Variants in FHIT observed in about 807,000 individuals in gnomAD.
The protein encoded by FHIT is fragile histidine triad diadenosine triphosphatase, also known as bis(5'-adenosyl)-triphosphatase.
A neutral mutation model predicts 17.9 loss-of-function variants in FHIT; 19 were observed. That is an observed-to-expected ratio of 1.06 (90% CI 0.74 to 1.56). The LOEUF (loss-of-function observed/expected upper bound fraction) is 1.56. FHIT is among the 40% of genes most tolerant of loss of function. FHIT has a pLI of 0.00. For missense variants in FHIT, 248 were observed against 189.2 expected, an observed-to-expected ratio of 1.31 and a Z score of -1.82; for synonymous variants, 81 against 69.7, an observed-to-expected ratio of 1.16 and a Z score of -0.81.
At chr3:60,609,328 T>C (rs1343087639) in intron 4 of FHIT, among the ~76,000 whole-genome samples, 3 of 130,808 alleles carry the variant, frequency 2.3e-5, no homozygotes, top group Non-Finnish European at 3.2e-5. Context: ...CTTCCTTTTT[T>C]ATTTATTTTT....
chr3:60,228,184 T>C (rs1704307401), intron 5 of FHIT, among the ~76,000 whole-genome samples: 1 of 152,132 alleles, frequency 6.6e-6, no homozygotes, highest in Non-Finnish European at 1.5e-5. Context: ...GGAAGGAGTA[T>C]AAAGTAAGGC....
chr3:59,814,991 A>G (rs979058996), intron 8 of FHIT, among the ~76,000 whole-genome samples: 1 of 152,218 alleles, frequency 6.6e-6, no homozygotes, highest in Non-Finnish European at 1.5e-5. Flanking sequence ...TATTCATAGA[A>G]ATGGGTGATA....
intron 3 of FHIT, among the ~76,000 whole-genome samples, chr3:60,957,204 A>ACAG (rs34957475): frequency 0.34 from 50,507 of 149,148 alleles, 8,939 homozygotes; most frequent in Middle Eastern, 0.48. Context: ...CCAGAAAAAC[A>ACAG]CAGCACCATC....
chr3:61,042,100 C>G lies in FHIT; in HGVS notation c.-163-1G>C, dbSNP rs2033546654. 2 of 152,050 alleles carry G rather than the reference C, an allele frequency of 1.3e-5. No homozygotes were observed. Among genetic ancestry groups the G allele is most frequent in the Admixed American group, 6.5e-5 (1 of 15,280 alleles). The allele number at this position is 152,050 out of a possible 1,614,324, so 9.4% of individuals were successfully genotyped here. On this transcript the variant is annotated splice_acceptor_variant, in intron 2 of 9. Coordinates refer to ENST00000492590, the MANE Select transcript of FHIT (RefSeq NM_002012.4). LOFTEE classifies it low-confidence loss of function (5UTR_SPLICE). ...TCTGGATGTAGATAGCACTACGGAC[C>G]TAGGGAAAGGCAGAAACACAAGATG...
intron 5 of FHIT, among the ~76,000 whole-genome samples, chr3:60,314,341 C>T (rs1219421734): frequency 1.3e-5 from 2 of 152,052 alleles, no homozygotes; most frequent in East Asian, 3.9e-4. Context: ...TATCAGAAGC[C>T]TTATCTGGCT....
At chr3:60,565,733 T>G (rs2037111741) in intron 4 of FHIT, among the ~76,000 whole-genome samples, 1 of 152,222 alleles carries the variant, frequency 6.6e-6, no homozygotes, top group South Asian at 2.1e-4. Context: ...ACTGATTTTT[T>G]GAAGGGTTTT....
At chr3:60,641,988 T>C (rs1158517794) in intron 4 of FHIT, among the ~76,000 whole-genome samples, 2 of 151,596 alleles carry the variant, frequency 1.3e-5, no homozygotes, top group Admixed American at 1.3e-4. Flanking sequence ...GGTGGGTGGG[T>C]TAGGGGTAGG....
chr3:61,206,364 G>C lies in FHIT; in HGVS notation c.-212-5699C>G, dbSNP rs972633371. On this transcript the variant is annotated intron_variant, in intron 1 of 9. Coordinates refer to ENST00000492590, the MANE Select transcript of FHIT (RefSeq NM_002012.4). ...TTCCAATTCTGTGAAGAAAGTCATTGGTAGCTTCATGGGGATGGCATTGAA... is the reference window on the plus strand; with the variant it reads ...TTCCAATTCTGTGAAGAAAGTCATTCGTAGCTTCATGGGGATGGCATTGAA... 2.2e-4 allele frequency among the ~76,000 whole-genome samples: 31 copies of C among 140,864 alleles called. 2 individuals are homozygous for C. Among genetic ancestry groups the C allele is most frequent in the African/African-American group, 7.6e-4 (29 of 37,942 alleles). The allele number at this position is 140,864 out of a possible 152,430, so 92.4% of individuals were successfully genotyped here. A position where few individuals can be genotyped will look rare whatever the true frequency, so the allele number is the denominator to read the frequency against.
chr3:59,940,827 T>C (rs1318155040), intron 7 of FHIT, among the ~76,000 whole-genome samples: 2 of 152,168 alleles, frequency 1.3e-5, no homozygotes, highest in Non-Finnish European at 2.9e-5. Flanking sequence ...CATTAGAAAA[T>C]GCCTTATAAA....
intron 8 of FHIT, among the ~76,000 whole-genome samples, chr3:59,889,683 CT>C (rs1287685088): frequency 6.6e-6 from 1 of 152,284 alleles, no homozygotes; most frequent in East Asian, 1.9e-4. Context: ...GACATAATTG[CT>C]AATAAATGGT....
chr3:60,831,175 T>C (rs946850355), intron 3 of FHIT, among the ~76,000 whole-genome samples: 1 of 152,162 alleles, frequency 6.6e-6, no homozygotes, highest in Non-Finnish European at 1.5e-5. Context: ...GAACATAAGA[T>C]TGTGATTATA....
intron 5 of FHIT, among the ~76,000 whole-genome samples, chr3:60,275,367 T>C (rs1707078856): frequency 6.6e-6 from 1 of 152,210 alleles, no homozygotes; most frequent in Non-Finnish European, 1.5e-5. Context: ...ATTCCAATCA[T>C]TTCTCTGACT....
intron 8 of FHIT, among the ~76,000 whole-genome samples, chr3:59,814,045 T>TACAAACACACACAC (rs1553685377): frequency 6.8e-6 from 1 of 146,772 alleles, no homozygotes; most frequent in African/African-American, 2.5e-5. Flanking sequence ...AATTTACACA[T>TACAAACACACACAC]ACACACACAC....
At chr3:61,244,952 A>T (rs11130836) in intron 1 of FHIT, among the ~76,000 whole-genome samples, 64,187 of 151,956 alleles carry the variant, frequency 0.42, 16,473 homozygotes, top group East Asian at 0.78. Context: ...CTTTTGTTAC[A>T]GGGGAGTCAA....
At chr3:60,392,561 G>A (rs1006623451) in intron 5 of FHIT, among the ~76,000 whole-genome samples, 2 of 152,152 alleles carry the variant, frequency 1.3e-5, no homozygotes, top group Admixed American at 6.5e-5. Context: ...GCACCATTCT[G>A]ACTGAAAAAC....
At chr3:60,672,596 C>T (rs1420269837) in intron 4 of FHIT, among the ~76,000 whole-genome samples, 4 of 152,084 alleles carry the variant, frequency 2.6e-5, no homozygotes, top group Non-Finnish European at 5.9e-5. Flanking sequence ...GCCATCTGGG[C>T]GTATACGTGC....
At chr3:60,607,633 G>A (rs1046675492) in intron 4 of FHIT, among the ~76,000 whole-genome samples, 2 of 151,942 alleles carry the variant, frequency 1.3e-5, no homozygotes, top group Non-Finnish European at 2.9e-5. Context: ...CGTGATAGAT[G>A]TGTCTTCAAC....
intron 5 of FHIT, among the ~76,000 whole-genome samples, chr3:60,319,021 C>A (rs963535162): frequency 2.0e-5 from 3 of 152,120 alleles, no homozygotes; most frequent in African/African-American, 7.2e-5. Context: ...TGACCTTCCT[C>A]CTGCCTTCCT....
At chr3:60,577,028 T>G (rs1559553495) in intron 4 of FHIT, among the ~76,000 whole-genome samples, 1 of 151,704 alleles carries the variant, frequency 6.6e-6, no homozygotes, top group Non-Finnish European at 1.5e-5. Context: ...TTGTCGATCA[T>G]CACCTTAAAA....
Sources: gnomAD v4.1 joint callset for allele counts (sites outside exome capture counted in the v4.1 genomes callset) on GRCh38, gnomAD v4.1.1 for gene constraint, MANE v1.5 for transcripts, NCBI Gene and HGNC (gene_info 2026-07-23, HGNC 2026-07-21) for gene names.